Variants in BMP6 observed in about 807,000 individuals in gnomAD.
BMP6 encodes bone morphogenetic protein 6.
A neutral mutation model predicts 54.1 loss-of-function variants in BMP6; 17 were observed. The observed-to-expected ratio is 0.31, with a 90% CI of 0.22 to 0.47. The LOEUF is 0.47. BMP6 is among the 20% of genes least tolerant of loss of function. BMP6 has a pLI of 1.00. For synonymous variants in BMP6, 328 were observed against 291.2 expected, an observed-to-expected ratio of 1.13 and a Z score of -1.28; for missense variants, 720 against 690.4, an observed-to-expected ratio of 1.04 and a Z score of -0.48.
At chr6:7,821,349 G>T (rs1408449170) in intron 1 of BMP6, among the ~76,000 whole-genome samples, 1 of 152,096 alleles carries the variant, frequency 6.6e-6, no homozygotes, top group Non-Finnish European at 1.5e-5. Flanking sequence ...GCCCATGACT[G>T]CTGAGCCTTG....
chr6:7,754,582 T>C (rs1757480812), intron 1 of BMP6, among the ~76,000 whole-genome samples: 1 of 152,262 alleles, frequency 6.6e-6, no homozygotes, highest in African/African-American at 2.4e-5. Context: ...GTTATGTCTC[T>C]GGATGAACTT....
chr6:7,828,492 A>G (rs989314282), intron 1 of BMP6, among the ~76,000 whole-genome samples: 3 of 152,184 alleles, frequency 2.0e-5, no homozygotes, highest in Admixed American at 6.5e-5. Flanking sequence ...CTGTGATCAC[A>G]TGGTGGTTTA....
intron 1 of BMP6, among the ~76,000 whole-genome samples, chr6:7,736,587 A>G (rs1289236618): frequency 3.9e-5 from 6 of 152,224 alleles, no homozygotes; most frequent in African/African-American, 1.4e-4. Flanking sequence ...TAAGTGATAT[A>G]TCGAATAGGC....
In BMP6 at chr6:7,845,195, C is replaced by G. The variant is rs1389285299; in HGVS notation, c.720C>G (p.Phe240Leu). 1.9e-6 allele frequency: 3 copies of G among 1,614,012 alleles called. No individual in the cohort carries two copies. Among genetic ancestry groups the G allele is most frequent in the Non-Finnish European group, 1.7e-6 (2 of 1,179,992 alleles). Residue 240 changes from phenylalanine to leucine, a missense_variant, in exon 2 of 7, where the codon TTC (phenylalanine) becomes TTG (leucine). Phe to Leu is a conservative substitution (Grantham distance 22). This residue lies in a region of BMP6 where 650 missense variants were observed against 556.3 expected (regional missense o/e 1.17). Coordinates refer to ENST00000283147, the MANE Select transcript of BMP6 (RefSeq NM_001718.6). ...PRQRHHKEFKFNLSQIPEGEV... is the reference protein window; with the variant it reads ...PRQRHHKEFKLNLSQIPEGEV... ...AGCGACACCACAAAGAGTTCAAGTT[C>G]AACTTATCCCAGATTCCTGAGGGTG...
intron 1 of BMP6, among the ~76,000 whole-genome samples, chr6:7,838,810 C>T (rs1419654032): frequency 2.0e-5 from 3 of 151,962 alleles, no homozygotes; most frequent in Non-Finnish European, 4.4e-5. Flanking sequence ...GGCGTGGTGG[C>T]AGGCGCCTGG....
In BMP6 at chr6:7,850,292, G is replaced by A. The variant is rs566869021; in HGVS notation, c.857+4960G>A. 1.2e-3 allele frequency among the ~76,000 whole-genome samples: 180 copies of A among 152,198 alleles called. 6 individuals are homozygous for A. The South Asian group carries it at 0.034, about 28-fold the overall frequency. ...CGAGTAGCTGGGACTACAGGCGCCC[G>A]CCACCATGCCTGGCTAATTTTGGTT... On this transcript the variant is annotated intron_variant, in intron 2 of 6. Transcript: ENST00000283147.
intron 1 of BMP6, among the ~76,000 whole-genome samples, chr6:7,754,374 G>A (rs1263583354): frequency 6.6e-6 from 1 of 152,174 alleles, no homozygotes; most frequent in East Asian, 1.9e-4. Context: ...TTCCCAAAGC[G>A]CTGGGATTAG....
intron 1 of BMP6, among the ~76,000 whole-genome samples, chr6:7,772,422 A>G (rs1397941974): frequency 6.6e-6 from 1 of 152,172 alleles, no homozygotes; most frequent in African/African-American, 2.4e-5. Flanking sequence ...TTATGATGAA[A>G]TTATAAGGAC....
At chr6:7,864,391 A>T (rs1285200710) in intron 4 of BMP6, among the ~76,000 whole-genome samples, 1 of 152,250 alleles carries the variant, frequency 6.6e-6, no homozygotes, top group African/African-American at 2.4e-5. Flanking sequence ...AATGAAAAGC[A>T]TCAAAATCTG....
At chr6:7,792,599 C>T (rs1019382362) in intron 1 of BMP6, among the ~76,000 whole-genome samples, 1 of 152,184 alleles carries the variant, frequency 6.6e-6, no homozygotes, top group Non-Finnish European at 1.5e-5. Flanking sequence ...CACAGGCATA[C>T]CCAGATGCGT....
At chr6:7,743,958 G>A (rs913615216) in intron 1 of BMP6, among the ~76,000 whole-genome samples, 1 of 152,132 alleles carries the variant, frequency 6.6e-6, no homozygotes, top group Admixed American at 6.5e-5. Flanking sequence ...CCTTTTTGAG[G>A]AAGCAAATTC....
intron 2 of BMP6, among the ~76,000 whole-genome samples, chr6:7,854,720 C>T (rs1288125839): frequency 6.6e-6 from 1 of 152,218 alleles, no homozygotes; most frequent in Non-Finnish European, 1.5e-5. Context: ...CACTTGAACC[C>T]AGGAGGCGGA....
chr6:7,759,962 C>T (rs1010141448), intron 1 of BMP6, among the ~76,000 whole-genome samples: 2 of 151,760 alleles, frequency 1.3e-5, no homozygotes, highest in South Asian at 2.1e-4. Context: ...ACCTTGGCCT[C>T]CCAAAGTGCT....
intron 1 of BMP6, among the ~76,000 whole-genome samples, chr6:7,814,402 CTCT>C (rs1378885375): frequency 2.6e-5 from 4 of 152,168 alleles, no homozygotes. Context: ...CTCTTAGCTT[CTCT>C]TCATTCATAA....
At chr6:7,792,182 C>T (rs1237858268) in intron 1 of BMP6, among the ~76,000 whole-genome samples, 3 of 152,148 alleles carry the variant, frequency 2.0e-5, no homozygotes, top group African/African-American at 7.2e-5. Flanking sequence ...CTCTTCTTAC[C>T]TGGGAAACCT....
chr6:7,776,724 C>G (rs1191418545), intron 1 of BMP6, among the ~76,000 whole-genome samples: 1 of 152,214 alleles, frequency 6.6e-6, no homozygotes, highest in African/African-American at 2.4e-5. Context: ...AATCATGATT[C>G]ACTGCAACCT....
At chr6:7,841,013 C>T (rs1430428038) in intron 1 of BMP6, among the ~76,000 whole-genome samples, 1 of 152,126 alleles carries the variant, frequency 6.6e-6, no homozygotes, top group Non-Finnish European at 1.5e-5. Context: ...CTCCAAGCTC[C>T]GAGGACCTGG....
intron 1 of BMP6, among the ~76,000 whole-genome samples, chr6:7,728,533 T>G (rs542860987): frequency 2.8e-4 from 43 of 152,352 alleles, no homozygotes; most frequent in African/African-American, 9.9e-4. Context: ...CACTGAGTTT[T>G]CTCATCTGTA....
intron 1 of BMP6, among the ~76,000 whole-genome samples, chr6:7,824,782 C>T (rs1370005249): frequency 6.6e-6 from 1 of 152,198 alleles, no homozygotes; most frequent in Non-Finnish European, 1.5e-5. Flanking sequence ...TAGAACCTTA[C>T]ATTCAATTCT....
Sources: gnomAD v4.1 joint callset for allele counts (sites outside exome capture counted in the v4.1 genomes callset) on GRCh38, gnomAD v4.1.1 for gene constraint, gnomAD v4.1.1 regional missense constraint, MANE v1.5 for transcripts, NCBI Gene and HGNC (gene_info 2026-07-23, HGNC 2026-07-21) for gene names.